Variants in FXR1 observed in about 807,000 individuals in gnomAD.
FXR1 encodes FMR1 autosomal homolog 1, also known as RNA-binding protein FXR1.
In FXR1, 15 loss-of-function variants were observed where a neutral mutation model predicts 84.0. The ratio of observed to expected loss-of-function variants is 0.18; its 90% confidence interval spans 0.12 to 0.27. The LOEUF is 0.27. Among genes scored for constraint, FXR1 ranks in the 10% least tolerant of loss-of-function variants. FXR1 has a pLI of 1.00. For missense variants in FXR1, 480 were observed against 774.4 expected (o/e 0.62, Z 4.51); for synonymous variants, 245 against 250.7 (o/e 0.98, Z 0.21).
intron 1 of FXR1, among the ~76,000 whole-genome samples, chr3:180,931,739 G>GTTTTT (rs5854881): frequency 2.0e-5 from 2 of 101,432 alleles, no homozygotes; most frequent in African/African-American, 8.4e-5. Flanking sequence ...GTTGTTGTGG[G>GTTTTT]TTTTTTTTTT....
chr3:180,939,018 C>T (rs1720838530), intron 3 of FXR1, among the ~76,000 whole-genome samples: 1 of 152,040 alleles, frequency 6.6e-6, no homozygotes, highest in South Asian at 2.1e-4. Flanking sequence ...GCCTTGGCCT[C>T]TGAGTAGCTG....
chr3:180,944,806 A>G (rs1189378244), intron 3 of FXR1, among the ~76,000 whole-genome samples: 3 of 152,200 alleles, frequency 2.0e-5, no homozygotes, highest in African/African-American at 7.2e-5. Context: ...TATTTTGCAT[A>G]GTGATGGTGT....
intron 3 of FXR1, among the ~76,000 whole-genome samples, chr3:180,940,580 G>GTTTTGTTTTTTTTTTTTTTTTTTTTTTTT (rs746815811): frequency 6.8e-6 from 1 of 146,114 alleles, no homozygotes; most frequent in African/African-American, 2.7e-5. Flanking sequence ...GTTTTTTTCT[G>GTTTTGTTTTTTTTTTTTTTTTTTTTTTTT]TTTTCTTTTT....
Position 180,935,185 on chromosome 3 carries a change from C to G in FXR1, c.152C>G (p.Pro51Arg). Reference sequence around the variant, plus strand: ...CCATTTAATGAAGTTAGATTACCACCACCACCTGATATAAAAAAAGAAATT... The same window carrying G: ...CCATTTAATGAAGTTAGATTACCACGACCACCTGATATAAAAAAAGAAATT... ...QVPFNEVRLPPPPDIKKEISE... is the reference protein window; with the variant it reads ...QVPFNEVRLPRPPDIKKEISE... The change falls in exon 3 of 17, where the codon CCA becomes CGA. Residue 51 changes from proline (P) to arginine (R), a missense_variant. Physicochemically the swap from Pro to Arg is moderately radical, Grantham distance 103 (BLOSUM62 -2). Coordinates refer to ENST00000357559, the MANE Select transcript of FXR1 (RefSeq NM_005087.4). The G allele has an allele frequency of 6.3e-7, 1 of 1,583,214 alleles. No homozygotes were observed. Among genetic ancestry groups the G allele is most frequent in the Non-Finnish European group, 8.7e-7 (1 of 1,152,254 alleles).
chr3:180,942,264 G>A (rs757241493), intron 3 of FXR1, among the ~76,000 whole-genome samples: 2 of 151,122 alleles, frequency 1.3e-5, no homozygotes, highest in Non-Finnish European at 2.9e-5. Flanking sequence ...TGTAGTCCCA[G>A]CTACTCGGGA....
intron 1 of FXR1, among the ~76,000 whole-genome samples, chr3:180,914,097 CTT>C (rs1457232659): frequency 6.6e-6 from 1 of 152,140 alleles, no homozygotes; most frequent in Non-Finnish European, 1.5e-5. Flanking sequence ...AGGTGGTAAA[CTT>C]AAAGTAGGAA....
chr3:180,950,701 A>G (rs1005356084), intron 7 of FXR1, among the ~76,000 whole-genome samples: 7 of 152,086 alleles, frequency 4.6e-5, no homozygotes, highest in Non-Finnish European at 7.4e-5. Flanking sequence ...AAATTTGACT[A>G]TTTTAGATAC....
intron 1 of FXR1, among the ~76,000 whole-genome samples, chr3:180,932,075 C>CAAA (rs4042648): frequency 4.7e-4 from 37 of 79,160 alleles, no homozygotes; most frequent in South Asian, 4.4e-3. Context: ...TTGTAAGTTT[C>CAAA]AAAAAAAAAA....
chr3:180,948,073 T>C, intron 4 of FXR1, 137 bp downstream of exon 4: 1 of 628,228 alleles, frequency 1.6e-6, no homozygotes, highest in Non-Finnish European at 2.8e-6. Context: ...ACATTTCCAT[T>C]AGCATTAATT....
chr3:180,982,131 C>G lies in FXR1; in HGVS notation c.*5839C>G, dbSNP rs1714639752. On this transcript the variant is annotated 3_prime_UTR_variant, in exon 17 of 17. Transcript: ENST00000357559. ...AGATCAGCCATTCTCAGCATGTTGC[C>G]TTGGCTGCTTAACCTTACTAAACTT... 6.6e-6 allele frequency: 1 copy of G among 151,984 alleles called. No homozygotes were observed. Among genetic ancestry groups the G allele is most frequent in the Admixed American group, 6.6e-5 (1 of 15,248 alleles). The allele number at this position is 151,984 out of a possible 1,614,324, so 9.4% of individuals were successfully genotyped here. A position where few individuals can be genotyped will look rare whatever the true frequency, so the allele number is the denominator to read the frequency against.
At chr3:180,948,517 T>G (rs762142518) in intron 5 of FXR1, 22 bp downstream of exon 5, 32 of 1,516,004 alleles carry the variant, frequency 2.1e-5, no homozygotes, top group Admixed American at 7.2e-5. Context: ...TATATACTAT[T>G]GAATTGTTCT....
At position 180,932,628 on chromosome 3, in the gene FXR1, A is replaced by G. The variant is rs7646441; in HGVS notation, c.52-706A>G. Among the ~76,000 whole-genome samples the G allele has an allele frequency of 4.5e-3, 679 of 152,308 alleles. 4 individuals carry two copies. Among genetic ancestry groups the G allele is most frequent in the East Asian group, 7.7e-3 (40 of 5,186 alleles). ...TTTTAAGGCTGAAAAATGACCGCCAATTGTTATTGAGAATCTGTATTCATT... is the reference window on the plus strand; with the variant it reads ...TTTTAAGGCTGAAAAATGACCGCCAGTTGTTATTGAGAATCTGTATTCATT... On this transcript the variant is annotated intron_variant, in intron 1 of 16. Coordinates refer to ENST00000357559, the MANE Select transcript of FXR1 (RefSeq NM_005087.4).
intron 15 of FXR1, among the ~76,000 whole-genome samples, chr3:180,973,999 T>C (rs1713904673): frequency 1.3e-5 from 2 of 152,182 alleles, no homozygotes; most frequent in South Asian, 4.1e-4. Context: ...TACTGGAGAT[T>C]TCATTCTTTA....
At chr3:180,941,161 C>T (rs1229758968) in intron 3 of FXR1, among the ~76,000 whole-genome samples, 1 of 150,360 alleles carries the variant, frequency 6.7e-6, no homozygotes, top group African/African-American at 2.5e-5. Flanking sequence ...ACACTCCTTT[C>T]TTTTACAACT....
At chr3:180,959,248 T>A (rs1711756735) in intron 10 of FXR1, among the ~76,000 whole-genome samples, 1 of 152,216 alleles carries the variant, frequency 6.6e-6, no homozygotes, top group South Asian at 2.1e-4. Flanking sequence ...TTTTTTGTCG[T>A]GTTTCTTCCC....
At chr3:180,922,355 C>T (rs1305752291) in intron 1 of FXR1, among the ~76,000 whole-genome samples, 2 of 152,092 alleles carry the variant, frequency 1.3e-5, no homozygotes, top group Non-Finnish European at 2.9e-5. Context: ...TTTTGCCAGT[C>T]TGTTGGATGT....
At chr3:180,916,339 A>G (rs1002600044) in intron 1 of FXR1, among the ~76,000 whole-genome samples, 2 of 152,184 alleles carry the variant, frequency 1.3e-5, no homozygotes, top group African/African-American at 2.4e-5. Flanking sequence ...ATAAATATAT[A>G]TTAGTCTTTG....
At chr3:180,953,928 G>C in intron 9 of FXR1, 88 bp downstream of exon 9, 1 of 700,028 alleles carries the variant, frequency 1.4e-6, no homozygotes, top group East Asian at 2.6e-5. Context: ...CTTGTAGTCT[G>C]ATAACCTTAT....
At chr3:180,937,785 C>T (rs1459986702) in intron 3 of FXR1, among the ~76,000 whole-genome samples, 1 of 151,880 alleles carries the variant, frequency 6.6e-6, no homozygotes, top group Non-Finnish European at 1.5e-5. Context: ...AAGCCTCTTC[C>T]CCTTCTTTAA....
Sources: allele counts gnomAD v4.1 joint callset (sites outside exome capture counted in the v4.1 genomes callset), GRCh38; gene constraint gnomAD v4.1.1; transcripts MANE v1.5; gene names NCBI Gene and HGNC (gene_info 2026-07-23, HGNC 2026-07-21).